TEF: variants seen among roughly 807,000 people sequenced by gnomAD.
TEF encodes thyrotroph embryonic factor.
Under a neutral mutation model 20.8 loss-of-function variants are expected in TEF, and 3 were observed. The ratio of observed to expected loss-of-function variants is 0.14; its 90% CI spans 0.07 to 0.37. The LOEUF (loss-of-function observed/expected upper bound fraction) is 0.37. Ranked by LOEUF, TEF falls within the 10% of genes least tolerant of loss-of-function variation. The pLI is 1.00. For synonymous variants in TEF, 180 were observed against 171.1 expected, an observed-to-expected ratio of 1.05 and a Z score of -0.41; for missense variants, 296 against 397.9, an observed-to-expected ratio of 0.74 and a Z score of 2.18.
At chr22:41,374,040 G>A (rs192412275) in intron 1 of TEF, among the ~76,000 whole-genome samples, 4 of 152,188 alleles carry the variant, frequency 2.6e-5, no homozygotes, top group Admixed American at 1.3e-4. Flanking sequence ...GGGATTGCAG[G>A]CATGAGCCAC....
chr22:41,375,960 C>T (rs1345239430), intron 1 of TEF, among the ~76,000 whole-genome samples: 3 of 152,088 alleles, frequency 2.0e-5, no homozygotes, highest in Admixed American at 6.6e-5. Flanking sequence ...TTTCTTAGAG[C>T]TCAATGGAAG....
At chr22:41,394,488 G>A (rs758530988) in intron 3 of TEF, among the ~76,000 whole-genome samples, 172 bp downstream of exon 3, 13 of 152,202 alleles carry the variant, frequency 8.5e-5, no homozygotes, top group Non-Finnish European at 1.9e-4. Flanking sequence ...TAGAAAGAAA[G>A]GGAGTCATGT....
chr22:41,370,144 C>G, intron 1 of TEF: 1 of 967,074 alleles, frequency 1.0e-6, no homozygotes. Flanking sequence ...AGATAAGAGT[C>G]TTGCTCTATC....
intron 1 of TEF, among the ~76,000 whole-genome samples, chr22:41,372,907 G>T (rs1283412735): frequency 6.6e-6 from 1 of 152,032 alleles, no homozygotes; most frequent in Non-Finnish European, 1.5e-5. Context: ...GCCCTTCCTG[G>T]GACAGGAAAG....
intron 1 of TEF, among the ~76,000 whole-genome samples, chr22:41,385,705 G>A (rs912547792): frequency 2.6e-5 from 4 of 151,696 alleles, no homozygotes; most frequent in Non-Finnish European, 4.4e-5. Flanking sequence ...TTTTTGTGAC[G>A]GAGTTTCACT....
At chr22:41,391,293 G>T (rs1428974196) in intron 2 of TEF, among the ~76,000 whole-genome samples, 1 of 151,850 alleles carries the variant, frequency 6.6e-6, no homozygotes. Context: ...GTTGGGGTTG[G>T]AGGCGTGACT....
chr22:41,374,887 G>T (rs5758319), intron 1 of TEF, among the ~76,000 whole-genome samples: 7,783 of 151,992 alleles, frequency 0.051, 880 homozygotes, highest in East Asian at 0.44. Context: ...TGAAGGGGAG[G>T]CAGGAGAGGC....
upstream of TEF, chr22:41,381,842 C>G: frequency 8.3e-7 from 1 of 1,204,446 alleles, no homozygotes; most frequent in Admixed American, 4.3e-5. Flanking sequence ...GAGCAACGAT[C>G]CGGGGAAGCT....
At chr22:41,371,478 C>G (rs1251061301) in intron 1 of TEF, among the ~76,000 whole-genome samples, 1 of 151,696 alleles carries the variant, frequency 6.6e-6, no homozygotes, top group Non-Finnish European at 1.5e-5. Context: ...CTACAACCCA[C>G]TGGTTGGGAC....
At chr22:41,380,880 G>C (rs948982398), upstream of TEF, among the ~76,000 whole-genome samples, 1 of 152,214 alleles carries the variant, frequency 6.6e-6, no homozygotes, top group African/African-American at 2.4e-5. Context: ...CTAGGTAAAA[G>C]AAGGGAGAGT....
intron 1 of TEF, among the ~76,000 whole-genome samples, chr22:41,372,027 G>A (rs534787599): frequency 1.3e-5 from 2 of 152,308 alleles, no homozygotes; most frequent in Admixed American, 1.3e-4. Context: ...TGCACAGCCT[G>A]GGAACCAGAG....
chr22:41,392,448 G>A (rs1205519131), intron 2 of TEF, among the ~76,000 whole-genome samples: 2 of 151,860 alleles, frequency 1.3e-5, no homozygotes, highest in Non-Finnish European at 1.5e-5. Context: ...GGCCGAGGCA[G>A]GTGGATCACC....
intron 2 of TEF, among the ~76,000 whole-genome samples, chr22:41,392,694 A>AAAAAAT (rs1394197723): frequency 6.9e-6 from 1 of 144,674 alleles, no homozygotes. Flanking sequence ...AAAAAAAAAA[A>AAAAAAT]GACTAAGTGA....
intron 1 of TEF, among the ~76,000 whole-genome samples, chr22:41,368,743 C>G (rs2036848436): frequency 6.6e-6 from 1 of 152,200 alleles, no homozygotes; most frequent in Non-Finnish European, 1.5e-5. Context: ...CGACCACACT[C>G]CATGCTGTCA....
intron 1 of TEF, among the ~76,000 whole-genome samples, chr22:41,371,830 T>C (rs939777206): frequency 1.3e-5 from 2 of 152,108 alleles, no homozygotes; most frequent in Non-Finnish European, 2.9e-5. Flanking sequence ...CTGCACCCAA[T>C]GGGACAGCCC....
chr22:41,394,431 G>A, intron 3 of TEF, 115 bp downstream of exon 3: 1 of 1,028,604 alleles, frequency 9.7e-7, no homozygotes, highest in Non-Finnish European at 1.4e-6. Context: ...ACACCATTTG[G>A]AAAGACATGA....
chr22:41,387,698 CTG>C, intron 2 of TEF, 30 bp downstream of exon 2: 1 of 1,577,692 alleles, frequency 6.3e-7, no homozygotes, highest in Non-Finnish European at 8.6e-7. Flanking sequence ...GGAGGGCCAC[CTG>C]TCCCATCCAG....
intron 2 of TEF, among the ~76,000 whole-genome samples, chr22:41,390,880 A>G (rs1392107455): frequency 6.6e-6 from 1 of 152,046 alleles, no homozygotes; most frequent in African/African-American, 2.4e-5. Context: ...CCTCTTTGCA[A>G]ATTTTCCCCT....
upstream of TEF, among the ~76,000 whole-genome samples, chr22:41,378,633 T>C (rs146907614): frequency 0.015 from 2,283 of 151,800 alleles, 50 homozygotes; most frequent in African/African-American, 0.052. Flanking sequence ...CGTGAGCCAC[T>C]GTGCCCGGCT....
Sources: allele counts gnomAD v4.1 joint callset (sites outside exome capture counted in the v4.1 genomes callset), GRCh38; gene constraint gnomAD v4.1.1; transcripts MANE v1.5; gene names NCBI Gene and HGNC (gene_info 2026-07-23, HGNC 2026-07-21).